The following RAB31 variants were observed in gnomAD, a reference collection of about 807,000 sequenced individuals.
The protein encoded by RAB31 is ras-related protein Rab-31.
RAB31 carries 21 observed loss-of-function variants against 25.6 expected under a neutral mutation model. The observed-to-expected ratio is 0.82, with a 90% confidence interval of 0.58 to 1.18. RAB31 has a LOEUF of 1.18. RAB31 is among the 50% of genes most tolerant of loss of function. The probability of loss-of-function intolerance (pLI) is 0.00; values close to 1 mark genes in which losing one functional copy is unlikely to be tolerated. For synonymous variants in RAB31, 87 were observed against 84.0 expected (o/e 1.04, Z -0.20); for missense variants, 196 against 250.1 (o/e 0.78, Z 1.46).
chr18:9,769,589 C>G (rs1044399255), intron 1 of RAB31, among the ~76,000 whole-genome samples: 7 of 152,162 alleles, frequency 4.6e-5, no homozygotes, highest in African/African-American at 7.2e-5. Context: ...GATTTTTGAG[C>G]TGAGACAATG....
chr18:9,770,161 GTGTCTC>G (rs2068336930), intron 1 of RAB31, among the ~76,000 whole-genome samples: 1 of 152,064 alleles, frequency 6.6e-6, no homozygotes, highest in African/African-American at 2.4e-5. Context: ...TTTTTTTGTT[GTGTCTC>G]TGCCAGGTTT....
At chr18:9,803,452 A>G (rs1439372090) in intron 3 of RAB31, among the ~76,000 whole-genome samples, 1 of 152,036 alleles carries the variant, frequency 6.6e-6, no homozygotes, top group Non-Finnish European at 1.5e-5. Flanking sequence ...TATACTGTCC[A>G]GGCTGGGATG....
At chr18:9,781,667 C>A (rs2068405570) in intron 2 of RAB31, among the ~76,000 whole-genome samples, 1 of 152,180 alleles carries the variant, frequency 6.6e-6, no homozygotes, top group South Asian at 2.1e-4. Flanking sequence ...AGGCTCAGCC[C>A]CTCCACCCTT....
intron 3 of RAB31, among the ~76,000 whole-genome samples, chr18:9,803,752 C>G (rs1051364579): frequency 6.6e-6 from 1 of 152,172 alleles, no homozygotes; most frequent in Non-Finnish European, 1.5e-5. Context: ...ACTACAAAAG[C>G]AAAGTGTGAG....
chr18:9,722,451 G>T (rs925694425), intron 1 of RAB31, among the ~76,000 whole-genome samples: 1 of 152,148 alleles, frequency 6.6e-6, no homozygotes, highest in Non-Finnish European at 1.5e-5. Context: ...TGCATGATGC[G>T]TACCTCGGAA....
At chr18:9,769,994 T>C (rs1256565280) in intron 1 of RAB31, among the ~76,000 whole-genome samples, 1 of 152,256 alleles carries the variant, frequency 6.6e-6, no homozygotes, top group Non-Finnish European at 1.5e-5. Flanking sequence ...ATTACGATTA[T>C]TGATTTGCAT....
chr18:9,813,202 T>A (rs905982366), intron 3 of RAB31, among the ~76,000 whole-genome samples: 1 of 152,162 alleles, frequency 6.6e-6, no homozygotes, highest in African/African-American at 2.4e-5. Flanking sequence ...TAGGTAGGTG[T>A]GAAGCCCCGC....
rs998965797 is a variant in RAB31, at chr18:9,708,748, G to A, written c.39+304G>A. On this transcript the variant is annotated intron_variant, in intron 1 of 6. Transcript: ENST00000578921. This position sits in a 1 kb window ranked among gnomAD's most constrained non-coding sequence, Gnocchi z 6.4. ...CCTGCCGGGGTCCGGGTCCGAGCCT[G>A]CCCCGGGCTTACTCCGCTCTTTCCT... Among the ~76,000 whole-genome samples, 5 of 152,242 alleles carry A rather than the reference G, an allele frequency of 3.3e-5. 1 individual carries two copies. The East Asian group carries it at 9.7e-4, about 30-fold the overall frequency.
intron 1 of RAB31, among the ~76,000 whole-genome samples, chr18:9,771,599 T>A (rs1456504259): frequency 6.6e-6 from 1 of 152,160 alleles, no homozygotes; most frequent in Non-Finnish European, 1.5e-5. Context: ...GGAAGGGCAT[T>A]CCCAGCGCGG....
At chr18:9,786,489 G>T (rs186584750) in intron 2 of RAB31, among the ~76,000 whole-genome samples, 1 of 152,350 alleles carries the variant, frequency 6.6e-6, no homozygotes, top group East Asian at 1.9e-4. Flanking sequence ...AGTTCTAGAG[G>T]CCCGGACTTG....
chr18:9,854,626 C>G (rs557739946), intron 6 of RAB31, among the ~76,000 whole-genome samples: 3 of 152,168 alleles, frequency 2.0e-5, no homozygotes, highest in Non-Finnish European at 4.4e-5. Flanking sequence ...GCGCGTTCCT[C>G]TTTATCCTAA....
chr18:9,767,953 A>G (rs904415525), intron 1 of RAB31, among the ~76,000 whole-genome samples: 1 of 151,814 alleles, frequency 6.6e-6, no homozygotes, highest in Non-Finnish European at 1.5e-5. Flanking sequence ...CCCATTTATG[A>G]GTGAGAACAT....
chr18:9,803,082 G>A (rs1287486346), intron 3 of RAB31, among the ~76,000 whole-genome samples: 1 of 152,138 alleles, frequency 6.6e-6, no homozygotes, highest in African/African-American at 2.4e-5. Context: ...GCACAGCCCG[G>A]AATCCTGCTC....
chr18:9,778,311 A>G (rs2068383961), intron 2 of RAB31, among the ~76,000 whole-genome samples: 1 of 152,096 alleles, frequency 6.6e-6, no homozygotes, highest in South Asian at 2.1e-4. Context: ...TGCTGCTACC[A>G]TTTTGGAAAC....
intron 1 of RAB31, among the ~76,000 whole-genome samples, chr18:9,740,376 C>T (rs973086085): frequency 6.6e-6 from 1 of 152,190 alleles, no homozygotes; most frequent in Non-Finnish European, 1.5e-5. Context: ...CAGGATGACA[C>T]CTCTTTACAG....
chr18:9,858,867 A>T (rs2068832386), intron 6 of RAB31, among the ~76,000 whole-genome samples: 1 of 152,166 alleles, frequency 6.6e-6, no homozygotes, highest in Non-Finnish European at 1.5e-5. Context: ...TTAAACCAGG[A>T]TGGGTCTCTG....
At chr18:9,780,374 A>G (rs1475252232) in intron 2 of RAB31, among the ~76,000 whole-genome samples, 1 of 152,188 alleles carries the variant, frequency 6.6e-6, no homozygotes, top group African/African-American at 2.4e-5. Flanking sequence ...AAAGTATTAT[A>G]TACTCATCAT....
intron 1 of RAB31, among the ~76,000 whole-genome samples, chr18:9,738,690 TC>T (rs2068162722): frequency 6.6e-6 from 1 of 152,112 alleles, no homozygotes; most frequent in African/African-American, 2.4e-5. Flanking sequence ...AGTAAGTGTT[TC>T]CCGGGGTTCT....
At position 9,792,192 on chromosome 18, in the gene RAB31, A is replaced by C; in HGVS notation, c.158A>C (p.Glu53Ala). Reference sequence around the variant, plus strand: ...ACCAAAACTGTGCCTTGTGGAAATGAACTTCACAAGTTCCTCATCTGGGAC... The same window carrying C: ...ACCAAAACTGTGCCTTGTGGAAATGCACTTCACAAGTTCCTCATCTGGGAC... ...FMTKTVPCGN[E>A]LHKFLIWDTA... The change falls in exon 3 of 7, where the codon GAA becomes GCA. Residue 53 changes from glutamate to alanine, a missense_variant. Glu to Ala is a moderately radical substitution (Grantham distance 107). Coordinates refer to ENST00000578921, the MANE Select transcript of RAB31 (RefSeq NM_006868.4). The C allele has an allele frequency of 6.2e-7, 1 of 1,612,662 alleles. No homozygotes were observed. Among genetic ancestry groups the C allele is most frequent in the Non-Finnish European group, 8.5e-7 (1 of 1,179,324 alleles).
Sources: allele counts gnomAD v4.1 joint callset (sites outside exome capture counted in the v4.1 genomes callset), GRCh38; gene constraint gnomAD v4.1.1; non-coding constraint Gnocchi (gnomAD v3.1); transcripts MANE v1.5; gene names NCBI Gene and HGNC (gene_info 2026-07-23, HGNC 2026-07-21).